The following FHOD3 variants were observed in gnomAD, a reference collection of about 807,000 sequenced individuals.
FHOD3 encodes FH1/FH2 domain-containing protein 3.
Under a neutral mutation model 173.0 loss-of-function variants are expected in FHOD3, and 90 were observed. The observed-to-expected ratio is 0.52, with a 90% CI of 0.44 to 0.62. FHOD3 has a LOEUF of 0.62. FHOD3 is among the 20% of genes least tolerant of loss of function. The pLI is 0.00. For missense variants in FHOD3, 1,945 were observed against 2,034.7 expected (o/e 0.96, Z 0.85); for synonymous variants, 828 against 823.0 (o/e 1.01, Z -0.10).
chr18:36,480,102 G>A lies in FHOD3; in HGVS notation c.338-21830G>A, dbSNP rs147452199. On this transcript the variant is annotated intron_variant, in intron 3 of 28. Coordinates refer to ENST00000590592, the MANE Select transcript of FHOD3 (RefSeq NM_001281740.3). ...AAGCAAATGTACTTTCTGTAAACTC[G>A]CCTGCTTCTATGCAGTGGCACCTTG... 1.4e-3 allele frequency among the ~76,000 whole-genome samples: 207 copies of A among 152,216 alleles called. 1 individual carries two copies. Among genetic ancestry groups the A allele is most frequent in the African/African-American group, 4.2e-3 (174 of 41,538 alleles).
At chr18:36,411,825 C>G (rs148499857) in intron 3 of FHOD3, among the ~76,000 whole-genome samples, 247 of 152,342 alleles carry the variant, frequency 1.6e-3, no homozygotes, top group African/African-American at 5.7e-3. Context: ...TCTCCTGCCT[C>G]TAGTCCTAAA....
In FHOD3 at chr18:36,760,704, G is replaced by A; in HGVS notation, c.4546G>A (p.Val1516Met). 2.5e-6 allele frequency: 4 copies of A among 1,613,310 alleles called. No homozygotes were observed. Among genetic ancestry groups the A allele is most frequent in the Non-Finnish European group, 3.4e-6 (4 of 1,180,038 alleles). ...DAAEHENMKA[V>M]LKTSSPSVED... ...GGCTGAGCACGAGAACATGAAGGCT[G>A]TGCTGAAAACCTCGTCCCCCTCCGT... Residue 1516 changes from valine to methionine, a missense_variant, in exon 27 of 29, where the codon GTG becomes ATG. By Grantham distance (21) the Val-to-Met change is conservative. Around this residue, in one of 5 missense-constraint regions of FHOD3, gnomAD observed 354 missense variants for 359.9 expected, o/e 0.98. Coordinates refer to ENST00000590592, the MANE Select transcript of FHOD3 (RefSeq NM_001281740.3).
At chr18:36,588,317 T>C (rs2059107456) in intron 6 of FHOD3, among the ~76,000 whole-genome samples, 1 of 152,212 alleles carries the variant, frequency 6.6e-6, no homozygotes, top group African/African-American at 2.4e-5. Context: ...AGAGTTTGTA[T>C]CCTAAGTCAC....
chr18:36,472,969 A>G (rs1261151117), intron 3 of FHOD3, among the ~76,000 whole-genome samples: 2 of 152,246 alleles, frequency 1.3e-5, no homozygotes, highest in Non-Finnish European at 2.9e-5. Flanking sequence ...GAATTTTACA[A>G]CAGGTAAGAT....
At chr18:36,481,790 C>T (rs1270857329) in intron 3 of FHOD3, among the ~76,000 whole-genome samples, 1 of 152,104 alleles carries the variant, frequency 6.6e-6, no homozygotes, top group Non-Finnish European at 1.5e-5. Flanking sequence ...TTTTAAAAGA[C>T]ATTCCTTTGC....
intron 14 of FHOD3, among the ~76,000 whole-genome samples, chr18:36,678,805 G>T (rs994822948): frequency 2.0e-5 from 3 of 152,000 alleles, no homozygotes; most frequent in Admixed American, 6.6e-5. Context: ...CCTTACATTT[G>T]TTGGGCAAAC....
intron 18 of FHOD3, among the ~76,000 whole-genome samples, chr18:36,713,957 A>G (rs1338273142): frequency 6.6e-6 from 1 of 152,214 alleles, no homozygotes; most frequent in African/African-American, 2.4e-5. Context: ...TGACACAATT[A>G]TATACCATAT....
At chr18:36,437,901 A>G (rs959329359) in intron 3 of FHOD3, among the ~76,000 whole-genome samples, 4 of 152,084 alleles carry the variant, frequency 2.6e-5, no homozygotes, top group African/African-American at 9.6e-5. Context: ...TGACCTCGTG[A>G]TCCATCTGCC....
chr18:36,443,166 T>C (rs2051251352), intron 3 of FHOD3, among the ~76,000 whole-genome samples: 1 of 152,214 alleles, frequency 6.6e-6, no homozygotes, highest in Non-Finnish European at 1.5e-5. Context: ...TGTTTTTCCC[T>C]TTGTAATCAA....
At chr18:36,349,367 A>G (rs1227270509) in intron 1 of FHOD3, among the ~76,000 whole-genome samples, 1 of 152,130 alleles carries the variant, frequency 6.6e-6, no homozygotes, top group African/African-American at 2.4e-5. Context: ...GGAAGAATCT[A>G]CCTCTAGAGG....
rs551998571 is a variant in FHOD3, at chr18:36,609,807, C to T, written c.814-2145C>T. Among the ~76,000 whole-genome samples the T allele has an allele frequency of 2.0e-3, 307 of 152,144 alleles. 1 individual carries two copies. Among genetic ancestry groups the T allele is most frequent in the African/African-American group, 6.5e-3 (270 of 41,498 alleles). Reference sequence around the variant, plus strand: ...TGTATTTTTAGTAGAGACTGGGTTTCGCCATGTTGGCCAGGCTGGTCTTCA... The same window carrying T: ...TGTATTTTTAGTAGAGACTGGGTTTTGCCATGTTGGCCAGGCTGGTCTTCA... On this transcript the variant is annotated intron_variant, in intron 8 of 28. Transcript: ENST00000590592.
chr18:36,679,878 G>C (rs745377276), intron 14 of FHOD3, among the ~76,000 whole-genome samples: 2 of 152,024 alleles, frequency 1.3e-5, no homozygotes, highest in Admixed American at 6.6e-5. Context: ...TTATATACAT[G>C]TTAATCTATT....
intron 5 of FHOD3, among the ~76,000 whole-genome samples, chr18:36,542,849 C>A (rs369610586): frequency 6.6e-6 from 1 of 151,990 alleles, no homozygotes; most frequent in Non-Finnish European, 1.5e-5. Flanking sequence ...AAAAAAATGA[C>A]GAAGGGAAAG....
intron 14 of FHOD3, among the ~76,000 whole-genome samples, chr18:36,672,952 A>C (rs2037626877): frequency 6.6e-6 from 1 of 152,116 alleles, no homozygotes; most frequent in Non-Finnish European, 1.5e-5. Flanking sequence ...CAACTGAAAA[A>C]TCTAGTATAT....
At chr18:36,568,241 G>A (rs1314011746) in intron 5 of FHOD3, among the ~76,000 whole-genome samples, 1 of 144,582 alleles carries the variant, frequency 6.9e-6, no homozygotes, top group Non-Finnish European at 1.5e-5. Flanking sequence ...GGGAGGCTGA[G>A]GTACCAGAAT....
intron 3 of FHOD3, among the ~76,000 whole-genome samples, chr18:36,421,208 A>G (rs2049967045): frequency 6.6e-6 from 1 of 152,240 alleles, no homozygotes; most frequent in East Asian, 1.9e-4. Flanking sequence ...TAAAATGGAA[A>G]TATGGATTAG....
chr18:36,667,670 C>T (rs990340645), intron 14 of FHOD3, among the ~76,000 whole-genome samples: 4 of 152,098 alleles, frequency 2.6e-5, no homozygotes, highest in Non-Finnish European at 5.9e-5. Context: ...GTGGGGTACT[C>T]ACCATGAATG....
chr18:36,355,496 A>G lies in FHOD3; in HGVS notation c.166-43A>G, dbSNP rs748600241. 14 of 1,515,490 alleles carry G rather than the reference A, an allele frequency of 9.2e-6. No individual in the cohort carries two copies. In the Admixed American group the frequency reaches 1.2e-4, roughly 13 times the overall value. The allele number at this position is 1,515,490 out of a possible 1,614,324, so 93.9% of individuals were successfully genotyped here. ...TGTGATTTCTCCATATGTAGTCTCC[A>G]TCTGAGGAGCAGGTTGGGTATAACA... is the stretch of plus-strand genomic sequence containing the variant. On this transcript the variant is annotated intron_variant, in intron 1 of 28. Transcript: ENST00000590592.
At chr18:36,584,205 C>A (rs538614777) in intron 6 of FHOD3, among the ~76,000 whole-genome samples, 1 of 152,278 alleles carries the variant, frequency 6.6e-6, no homozygotes, top group African/African-American at 2.4e-5. Flanking sequence ...CCATTGCTGG[C>A]CTCTCACCCT....
Sources: allele counts gnomAD v4.1 joint callset (sites outside exome capture counted in the v4.1 genomes callset), GRCh38; gene constraint gnomAD v4.1.1; regional missense constraint gnomAD v4.1.1; transcripts MANE v1.5; gene names NCBI Gene and HGNC (gene_info 2026-07-23, HGNC 2026-07-21).